ADCY2: variants seen among roughly 807,000 people sequenced by gnomAD.
The protein encoded by ADCY2 is adenylate cyclase 2.
Under a neutral mutation model 125.2 loss-of-function variants are expected in ADCY2, and 31 were observed. The ratio of observed to expected loss-of-function variants is 0.25; its 90% CI spans 0.19 to 0.33. The LOEUF is 0.33. ADCY2 is among the 10% of genes least tolerant of loss of function. The pLI is 1.00. For synonymous variants in ADCY2, 512 were observed against 548.4 expected, an observed-to-expected ratio of 0.93 and a Z score of 0.93; for missense variants, 904 against 1,418.2, an observed-to-expected ratio of 0.64 and a Z score of 5.82.
chr5:7,694,755 T>C (rs1740834553), intron 5 of ADCY2, among the ~76,000 whole-genome samples: 1 of 152,218 alleles, frequency 6.6e-6, no homozygotes, highest in Non-Finnish European at 1.5e-5. Context: ...CAAATATCTA[T>C]TCAAGTTCCT....
At chr5:7,587,407 CTTTCA>C (rs1404017862) in intron 3 of ADCY2, among the ~76,000 whole-genome samples, 1 of 152,166 alleles carries the variant, frequency 6.6e-6, no homozygotes, top group Admixed American at 6.5e-5. Context: ...ATAGCGTTTT[CTTTCA>C]TTTCAATTTT....
Position 7,787,065 on chromosome 5 carries a change from C to T in ADCY2, c.2470-2577C>T, listed in dbSNP as rs568205845. On this transcript the variant is annotated intron_variant, in intron 19 of 24. Coordinates refer to ENST00000338316, the MANE Select transcript of ADCY2 (RefSeq NM_020546.3). ...TGATAGAGCCAGTGAAAAGCAAATT[C>T]GGTGTCTCTTCATGGGATCTGGGCC... is the stretch of plus-strand genomic sequence containing the variant. 7.9e-5 allele frequency among the ~76,000 whole-genome samples: 12 copies of T among 152,292 alleles called. No homozygotes were observed. In the East Asian group the frequency reaches 9.7e-4, roughly 12 times the overall value.
chr5:7,412,202 T>A (rs1198778275), intron 1 of ADCY2, among the ~76,000 whole-genome samples: 2 of 152,232 alleles, frequency 1.3e-5, no homozygotes, highest in Non-Finnish European at 2.9e-5. Flanking sequence ...CACTTTACAG[T>A]CATGCATATT....
chr5:7,524,253 A>G (rs1002846212), intron 3 of ADCY2, among the ~76,000 whole-genome samples: 1 of 152,238 alleles, frequency 6.6e-6, no homozygotes, highest in Non-Finnish European at 1.5e-5. Context: ...TAACAGACTT[A>G]CCAATAAGTT....
chr5:7,411,851 G>A lies in ADCY2; in HGVS notation c.211-2722G>A, dbSNP rs916761510. Among the ~76,000 whole-genome samples the A allele has an allele frequency of 9.2e-5, 14 of 152,146 alleles. No homozygotes were observed. In the East Asian group the frequency reaches 1.7e-3, roughly 19 times the overall value. ...AGCACTTTGGGAGGCCGAGGCGGGC[G>A]GATCACGAGGTCAGGAGATCGAGAC... On this transcript the variant is annotated intron_variant, in intron 1 of 24. Transcript: ENST00000338316.
At chr5:7,812,574 T>G (rs564730088) in intron 22 of ADCY2, among the ~76,000 whole-genome samples, 1 of 152,302 alleles carries the variant, frequency 6.6e-6, no homozygotes, top group South Asian at 2.1e-4. Flanking sequence ...CTGAATGCAT[T>G]GCTTGTATCC....
intron 4 of ADCY2, among the ~76,000 whole-genome samples, chr5:7,657,129 A>G (rs1739366380): frequency 1.3e-5 from 2 of 152,360 alleles, no homozygotes; most frequent in Non-Finnish European, 1.5e-5. Context: ...TCTCATTTGT[A>G]TATGCAAATA....
intron 4 of ADCY2, among the ~76,000 whole-genome samples, chr5:7,669,620 C>T (rs998083585): frequency 6.6e-5 from 10 of 152,134 alleles, no homozygotes; most frequent in African/African-American, 9.7e-5. Flanking sequence ...AAAATGTCAG[C>T]GCATTTCATG....
chr5:7,569,419 G>A (rs186828720), intron 3 of ADCY2, among the ~76,000 whole-genome samples: 261 of 152,202 alleles, frequency 1.7e-3, no homozygotes, highest in Non-Finnish European at 2.4e-3. Context: ...AAATAATTTG[G>A]CCTTCATTAT....
rs1740056714 is a variant in ADCY2, at chr5:7,418,655, T to TTTTTTTTTTTTTG, written c.408+3897_408+3898insGTTTTTTTTTTTT. ...ACAAAAGTCTACCTTCTGTTTTTTT[T>TTTTTTTTTTTTTG]TTTTTTTTTTTTTTTTTTGAGACTG... On this transcript the variant is annotated intron_variant, in intron 2 of 24. Transcript: ENST00000338316. 2.3e-5 allele frequency among the ~76,000 whole-genome samples: 3 copies of TTTTTTTTTTTTTG among 127,664 alleles called. 1 individual carries two copies. The highest frequency in any genetic ancestry group is 1.0e-4 in the African/African-American group (3 of 28,924). 83.8% of individuals were successfully genotyped at this position (127,664 alleles called of 152,430 possible). A position where few individuals can be genotyped will look rare whatever the true frequency, so the allele number is the denominator to read the frequency against.
intron 4 of ADCY2, among the ~76,000 whole-genome samples, chr5:7,626,790 C>T (rs1019661800): frequency 1.3e-5 from 2 of 152,152 alleles, no homozygotes; most frequent in African/African-American, 4.8e-5. Flanking sequence ...GATCCACCCC[C>T]AAGACACAAA....
chr5:7,686,558 G>A (rs2126719919), intron 4 of ADCY2, among the ~76,000 whole-genome samples: 1 of 152,332 alleles, frequency 6.6e-6, no homozygotes, highest in Middle Eastern at 3.4e-3. Context: ...GAAAGAGAAA[G>A]AAGTAATAAC....
chr5:7,444,238 C>T (rs943081935), intron 2 of ADCY2, among the ~76,000 whole-genome samples: 8 of 151,568 alleles, frequency 5.3e-5, no homozygotes, highest in African/African-American at 1.2e-4. Context: ...CTCAGCCTCC[C>T]GAGTAGCTGG....
chr5:7,443,564 C>G (rs1045411745), intron 2 of ADCY2, among the ~76,000 whole-genome samples: 2 of 137,876 alleles, frequency 1.5e-5, no homozygotes. Context: ...GGCGTGAACC[C>G]AGGAGGCAGA....
At chr5:7,472,845 C>T (rs1022129233) in intron 2 of ADCY2, among the ~76,000 whole-genome samples, 9 of 152,108 alleles carry the variant, frequency 5.9e-5, no homozygotes, top group Non-Finnish European at 1.2e-4. Flanking sequence ...ATACTGGTTC[C>T]TGCTCCACTC....
intron 24 of ADCY2, among the ~76,000 whole-genome samples, chr5:7,821,519 C>T (rs1056082031): frequency 6.6e-5 from 10 of 152,152 alleles, no homozygotes; most frequent in African/African-American, 2.2e-4. Flanking sequence ...TCAATAATTC[C>T]GCACCCACGT....
intron 3 of ADCY2, among the ~76,000 whole-genome samples, chr5:7,548,204 G>A (rs184593152): frequency 2.6e-5 from 4 of 152,054 alleles, no homozygotes; most frequent in Admixed American, 2.6e-4. Flanking sequence ...AGTTTGTATA[G>A]GTGAACTATT....
At chr5:7,491,082 G>C (rs767360897) in intron 2 of ADCY2, among the ~76,000 whole-genome samples, 5 of 152,048 alleles carry the variant, frequency 3.3e-5, no homozygotes, top group Non-Finnish European at 7.4e-5. Context: ...CATCCAAGAG[G>C]TACAAAATTA....
At chr5:7,543,273 TCAC>T (rs1735049275) in intron 3 of ADCY2, among the ~76,000 whole-genome samples, 1 of 152,202 alleles carries the variant, frequency 6.6e-6, no homozygotes, top group African/African-American at 2.4e-5. Context: ...ATAAATATGT[TCAC>T]CATAATGCTA....
Sources: gnomAD v4.1 joint callset for allele counts (sites outside exome capture counted in the v4.1 genomes callset) on GRCh38, gnomAD v4.1.1 for gene constraint, MANE v1.5 for transcripts, NCBI Gene and HGNC (gene_info 2026-07-23, HGNC 2026-07-21) for gene names.